The following NR3C1 variants were observed in gnomAD, a reference collection of about 807,000 sequenced individuals.
NR3C1 encodes the protein nuclear receptor subfamily 3 group C member 1.
Under a neutral mutation model 74.0 loss-of-function variants are expected in NR3C1, and 14 were observed. The observed-to-expected ratio is 0.19, with a 90% confidence interval of 0.12 to 0.30. NR3C1 has a LOEUF of 0.30. NR3C1 is among the 10% of genes least tolerant of loss of function. The probability of loss-of-function intolerance (pLI) is 1.00; values close to 1 mark genes in which losing one functional copy is unlikely to be tolerated. For synonymous variants in NR3C1, 308 were observed against 332.5 expected, an observed-to-expected ratio of 0.93 and a Z score of 0.80; for missense variants, 695 against 909.8, an observed-to-expected ratio of 0.76 and a Z score of 3.04.
At chr5:143,375,838 G>A (rs1190670708) in intron 2 of NR3C1, 1 of 152,008 alleles carries the variant, frequency 6.6e-6, no homozygotes, top group African/African-American at 2.4e-5. Context: ...TAAAAACTAG[G>A]GGAAAATCTT....
chr5:143,399,761 C>G lies in NR3C1; in HGVS notation c.1079G>C (p.Gly360Ala). The G allele has an allele frequency of 6.2e-7, 1 of 1,614,144 alleles. No homozygotes were observed. Among genetic ancestry groups the G allele is most frequent in the South Asian group, 1.1e-5 (1 of 91,076 alleles). Residue 360 changes from glycine to alanine, a missense_variant, in exon 2 of 9, where the codon GGT (glycine) becomes GCT (alanine). Gly to Ala is a moderately conservative substitution (Grantham distance 60). Coordinates refer to ENST00000394464, the MANE Select transcript of NR3C1 (RefSeq NM_000176.3). ...TTGGCACCTATTCCAATTTTCGGAA[C>G]CAACGGGAATTGGTGGAATGACATT... ...IFNVIPPIPV[G>A]SENWNRCQGS...
At chr5:143,310,008 T>C in intron 4 of NR3C1, 89 bp downstream of exon 4, 1 of 954,490 alleles carries the variant, frequency 1.0e-6, no homozygotes, top group Non-Finnish European at 1.7e-6. Context: ...CTACATTAAT[T>C]ACATCTGCTT....
chr5:143,398,356 G>GTGTTT lies in NR3C1; in HGVS notation c.1184+1299_1184+1300insAAACA, dbSNP rs556234844. On this transcript the variant is annotated intron_variant, in intron 2 of 8. Transcript: ENST00000394464. ...GACATGTAAGAACCAAGGTTTTTTGGTTTTTTTTTTTTTTTTTTTGACAAC... is the reference window on the plus strand; with the variant it reads ...GACATGTAAGAACCAAGGTTTTTTGGTGTTTTTTTTTTTTTTTTTTTTTTGACAAC... 1.2e-4 allele frequency among the ~76,000 whole-genome samples: 10 copies of GTGTTT among 85,334 alleles called. 1 individual carries two copies. Among genetic ancestry groups the GTGTTT allele is most frequent in the Non-Finnish European group, 2.2e-4 (8 of 36,272 alleles). The allele number at this position is 85,334 out of a possible 152,430, so 56.0% of individuals were successfully genotyped here. A position where few individuals can be genotyped will look rare whatever the true frequency, so the allele number is the denominator to read the frequency against.
upstream of NR3C1, chr5:143,404,350 G>T (rs1840907247): frequency 1.0e-6 from 1 of 985,370 alleles, no homozygotes; most frequent in African/African-American, 1.7e-5. Flanking sequence ...GAAGGGACGG[G>T]ATAGCGGGGG....
intron 1 of NR3C1, among the ~76,000 whole-genome samples, chr5:143,416,187 C>A (rs971545599): frequency 6.6e-6 from 1 of 152,158 alleles, no homozygotes; most frequent in Non-Finnish European, 1.5e-5. Flanking sequence ...ACATATGATA[C>A]TAGGACCTAA....
chr5:143,342,127 A>G (rs1828350419), intron 2 of NR3C1, among the ~76,000 whole-genome samples: 1 of 152,110 alleles, frequency 6.6e-6, no homozygotes, highest in African/African-American at 2.4e-5. Context: ...GGTGTTTCAC[A>G]GAAAAAAAAA....
Position 143,281,900 on chromosome 5 carries a change from G to A in NR3C1, c.2323C>T (p.His775Tyr), listed in dbSNP as rs773260276. Residue 775 changes from histidine to tyrosine, a missense_variant, in exon 9 of 9, where the codon CAT becomes TAT. By Grantham distance (83) the His-to-Tyr change is moderately conservative. Transcript: ENST00000394464. Reference protein sequence around the residue: ...SNGNIKKLLFHQK With the variant: ...SNGNIKKLLFYQK ...TCTTATTAAGGCAGTCACTTTTGAT[G>A]AAACAGAAGTTTTTTGATATTTCCA... 1.2e-6 allele frequency: 2 copies of A among 1,613,248 alleles called. No individual in the cohort carries two copies. The highest frequency in any genetic ancestry group is 3.3e-5 in the Admixed American group (2 of 59,976).
chr5:143,382,456 T>A (rs958223416), intron 2 of NR3C1, among the ~76,000 whole-genome samples: 1 of 152,240 alleles, frequency 6.6e-6, no homozygotes, highest in Non-Finnish European at 1.5e-5. Context: ...GTAAAAACCT[T>A]TGGCATTAAG....
chr5:143,287,037 T>G (rs757240693), intron 7 of NR3C1, among the ~76,000 whole-genome samples: 2 of 151,024 alleles, frequency 1.3e-5, no homozygotes, highest in Non-Finnish European at 3.0e-5. Context: ...CATTAGAAAA[T>G]GAAATGAATG....
chr5:143,294,228 A>G (rs1816618445), intron 7 of NR3C1: 5 of 985,216 alleles, frequency 5.1e-6, no homozygotes, highest in Non-Finnish European at 6.0e-6. Context: ...TTTGGCAACT[A>G]TGAAACCACA....
intron 2 of NR3C1, among the ~76,000 whole-genome samples, chr5:143,391,593 G>A (rs1157214733): frequency 6.6e-6 from 1 of 151,970 alleles, no homozygotes; most frequent in Non-Finnish European, 1.5e-5. Flanking sequence ...TAACAATGTG[G>A]TTGGAGTTAT....
chr5:143,429,035 G>A (rs2151963212), intron 1 of NR3C1, among the ~76,000 whole-genome samples: 1 of 152,276 alleles, frequency 6.6e-6, no homozygotes, highest in South Asian at 2.1e-4. Flanking sequence ...AGTGCTTTAA[G>A]AACATGAAAC....
rs190004469 is a variant in NR3C1 at position 143,396,394 on chromosome 5, C to G, written c.1184+3262G>C. ...CCAGAAATATTAAGCTTAAAAAACA[C>G]TGAAACACCCATTGCCAGAATCTTT... On this transcript the variant is annotated intron_variant, in intron 2 of 8. Transcript: ENST00000394464. Among the ~76,000 whole-genome samples, 493 of 151,656 alleles carry G rather than the reference C, an allele frequency of 3.3e-3. 9 individuals carry two copies. The South Asian group carries it at 0.039, about 12-fold the overall frequency.
intron 4 of NR3C1, among the ~76,000 whole-genome samples, chr5:143,307,063 A>G (rs1302539827): frequency 6.6e-5 from 10 of 151,572 alleles, no homozygotes; most frequent in Admixed American, 2.0e-4. Context: ...CGCCTGGCTA[A>G]TTTTTTGTAT....
intron 1 of NR3C1, chr5:143,434,416 T>G: frequency 2.4e-6 from 1 of 409,814 alleles, no homozygotes; most frequent in African/African-American, 2.2e-5. Context: ...GCACACAACA[T>G]CAGCCTTGTG....
intron 2 of NR3C1, among the ~76,000 whole-genome samples, chr5:143,355,762 C>T (rs1037006912): frequency 4.6e-5 from 7 of 152,136 alleles, no homozygotes; most frequent in African/African-American, 1.2e-4. Context: ...AACTTCCAGG[C>T]CATTCCTAAA....
intron 2 of NR3C1, among the ~76,000 whole-genome samples, chr5:143,330,756 T>G (rs1262035542): frequency 6.6e-6 from 1 of 152,212 alleles, no homozygotes; most frequent in East Asian, 1.9e-4. Flanking sequence ...AACATAATTT[T>G]TAGAGTTGTC....
chr5:143,287,913 T>C (rs1266760538), intron 7 of NR3C1, among the ~76,000 whole-genome samples: 2 of 152,204 alleles, frequency 1.3e-5, no homozygotes, highest in Non-Finnish European at 2.9e-5. Context: ...ATAGCTGCTT[T>C]CCTGTTATAG....
chr5:143,428,241 C>A (rs1751635474), intron 1 of NR3C1, among the ~76,000 whole-genome samples: 3 of 152,124 alleles, frequency 2.0e-5, no homozygotes, highest in Admixed American at 2.0e-4. Context: ...CTGGTCTTTC[C>A]CTGAAAATGC....
Sources: gnomAD v4.1 joint callset for allele counts (sites outside exome capture counted in the v4.1 genomes callset) on GRCh38, gnomAD v4.1.1 for gene constraint, MANE v1.5 for transcripts, NCBI Gene and HGNC (gene_info 2026-07-23, HGNC 2026-07-21) for gene names.